PITRM1: variants seen among roughly 807,000 people sequenced by gnomAD.
PITRM1 encodes pitrilysin metallopeptidase 1.
A neutral mutation model predicts 129.9 loss-of-function variants in PITRM1; 100 were observed. That is an observed-to-expected ratio of 0.77 (90% CI 0.65 to 0.91). The LOEUF (loss-of-function observed/expected upper bound fraction) is 0.91, where lower values mean the gene tolerates loss of function less well. PITRM1 is among the 40% of genes least tolerant of loss of function. PITRM1 has a pLI of 0.00. For missense variants in PITRM1, 1,471 were observed against 1,318.3 expected, an observed-to-expected ratio of 1.12 and a Z score of -1.79; for synonymous variants, 591 against 508.8, an observed-to-expected ratio of 1.16 and a Z score of -2.17.
Position 3,147,190 on chromosome 10 carries a change from G to A in PITRM1, c.2296C>T (p.Pro766Ser), listed in dbSNP as rs1334615940. ...TDIKPILRKL[P>S]RIKKHLLNGD... is the part of the protein sequence containing the mutation. The stretch of plus-strand genomic sequence containing the variant: ...TTTAACAAGTGTTTCTTGATACGCG[G>A]GAGCTTCCTCAGGATGGGTTTGATA... The change falls in exon 20 of 27, where the codon CCG becomes TCG. Residue 766 changes from proline to serine, a missense_variant. By Grantham distance (74) the Pro-to-Ser change is moderately conservative. Coordinates refer to ENST00000224949, the MANE Select transcript of PITRM1 (RefSeq NM_014889.4). 5.0e-6 allele frequency: 8 copies of A among 1,609,456 alleles called. No individual in the cohort carries two copies. Among genetic ancestry groups the A allele is most frequent in the Admixed American group, 1.7e-5 (1 of 59,980 alleles).
intron 22 of PITRM1, 83 bp downstream of exon 22, chr10:3,144,209 G>T: frequency 1.3e-6 from 1 of 775,766 alleles, no homozygotes; most frequent in Non-Finnish European, 2.2e-6. Context: ...GGCGGACGGA[G>T]GAACATTCGA....
At chr10:3,138,373 C>T in intron 25 of PITRM1, 36 bp from the exon 26 acceptor site, 1 of 1,451,882 alleles carries the variant, frequency 6.9e-7, no homozygotes, top group Non-Finnish European at 9.7e-7. Flanking sequence ...GGAGCCGCTG[C>T]CCGGGAGCTC....
At position 3,163,750 on chromosome 10, in the gene PITRM1, T is replaced by C. The variant is rs772604490; in HGVS notation, c.766A>G (p.Thr256Ala). Residue 256 changes from threonine to alanine, a missense_variant, in exon 7 of 27, where the codon ACT becomes GCT. Thr to Ala is a moderately conservative substitution (Grantham distance 58). Transcript: ENST00000224949. ...CTAGCATTGCTTGGGTGATAGTGAG[T>C]GGCATGAAACTGCTTAAGCTGCTCC... Reference protein sequence around the residue: ...TWEQLKQFHATHYHPSNARFF... With the variant: ...TWEQLKQFHAAHYHPSNARFF... 2.5e-6 allele frequency: 4 copies of C among 1,610,678 alleles called. No homozygotes were observed. Among genetic ancestry groups the C allele is most frequent in the Non-Finnish European group, 3.4e-6 (4 of 1,178,734 alleles).
At position 3,148,005 on chromosome 10, in the gene PITRM1, C is replaced by G; in HGVS notation, c.2051G>C (p.Trp684Ser). 1 of 1,612,686 alleles carries G rather than the reference C, an allele frequency of 6.2e-7. No homozygotes were observed. The highest frequency in any genetic ancestry group is 1.1e-5 in the South Asian group (1 of 91,056). ...AAGTTACTTGTTAAATATTTCACTC[C>G]ATAGCTGCATCATGTCTGGCAGGTT... ...DRNLPDMMQL[W>S]SEIFNNPCFE... is the part of the protein sequence containing the mutation. The change falls in exon 18 of 27, where the codon TGG becomes TCG. Residue 684 changes from tryptophan (W) to serine (S), a missense_variant. Coordinates refer to ENST00000224949, the MANE Select transcript of PITRM1 (RefSeq NM_014889.4).
chr10:3,160,095 T>C lies in PITRM1; in HGVS notation c.918+109A>G. ...TCTTTCAGCTTGAAAAGCTCTCCCA[T>C]ACTCTGTACCAAACATGACAGCATC... On this transcript the variant is annotated intron_variant, in intron 8 of 26. Transcript: ENST00000224949. 5 of 1,328,026 alleles carry C rather than the reference T, an allele frequency of 3.8e-6. No individual in the cohort carries two copies. The East Asian group carries it at 1.2e-4, about 33-fold the overall frequency. The allele number at this position is 1,328,026 out of a possible 1,614,324, so 82.3% of individuals were successfully genotyped here.
intron 25 of PITRM1, chr10:3,138,544 G>A: frequency 4.9e-6 from 3 of 610,250 alleles, no homozygotes; most frequent in Non-Finnish European, 5.9e-6. Flanking sequence ...GCCTGCTTCT[G>A]CAGCAGGGAT....
At chr10:3,158,380 T>C (rs1433067314) in intron 10 of PITRM1, among the ~76,000 whole-genome samples, 1 of 152,150 alleles carries the variant, frequency 6.6e-6, no homozygotes, top group African/African-American at 2.4e-5. Flanking sequence ...GCAGGATAAA[T>C]ATCAAAACAG....
chr10:3,140,252 G>C (rs1424902629), intron 24 of PITRM1, among the ~76,000 whole-genome samples: 1 of 152,230 alleles, frequency 6.6e-6, no homozygotes, highest in African/African-American at 2.4e-5. Flanking sequence ...CGGCTACTGG[G>C]TGACCAACAG....
At position 3,167,273 on chromosome 10, in the gene PITRM1, GA is replaced by G. The variant is rs200616903; in HGVS notation, c.160-232del. On this transcript the variant is annotated intron_variant, in intron 2 of 26. Coordinates refer to ENST00000224949, the MANE Select transcript of PITRM1 (RefSeq NM_014889.4). ...ATGAGAATATGTGTGTGTGTGTATA[GA>G]AAGAGAGAGAGAGCGAGCGAGCGAG... Among the ~76,000 whole-genome samples the G allele has an allele frequency of 3.3e-5, 4 of 120,778 alleles. 1 individual carries two copies. The highest frequency in any genetic ancestry group is 5.4e-4 in the South Asian group (2 of 3,734). The allele number at this position is 120,778 out of a possible 152,430, so 79.2% of individuals were successfully genotyped here. A position where few individuals can be genotyped will look rare whatever the true frequency, so the allele number is the denominator to read the frequency against.
At chr10:3,164,779 CAAAGT>C (rs1035690358) in intron 6 of PITRM1, among the ~76,000 whole-genome samples, 1 of 152,142 alleles carries the variant, frequency 6.6e-6, no homozygotes, top group Admixed American at 6.5e-5. Flanking sequence ...CTTCTCATAA[CAAAGT>C]AAAAAACTGA....
At chr10:3,163,467 C>T (rs1025439131) in intron 7 of PITRM1, 7 of 259,448 alleles carry the variant, frequency 2.7e-5, no homozygotes, top group East Asian at 1.9e-4. Context: ...CAACAGGCTG[C>T]GGGGCCAGGA....
intron 16 of PITRM1, chr10:3,149,362 C>T (rs776643233): frequency 4.4e-5 from 14 of 317,552 alleles, no homozygotes; most frequent in Admixed American, 1.4e-4. Context: ...CAATCCTTTC[C>T]AAAGCTTCAT....
intron 8 of PITRM1, 52 bp downstream of exon 8, chr10:3,160,152 C>T: frequency 6.3e-7 from 1 of 1,595,386 alleles, no homozygotes; most frequent in South Asian, 1.1e-5. Flanking sequence ...CAGTCCAAGT[C>T]CTCATGTCAA....
chr10:3,139,145 G>T, intron 24 of PITRM1, 96 bp from the exon 25 acceptor site: 1 of 999,648 alleles, frequency 1.0e-6, no homozygotes, highest in Non-Finnish European at 1.5e-6. Flanking sequence ...TCTTCTATGG[G>T]TTAACAGCTC....
chr10:3,151,323 G>C lies in PITRM1; in HGVS notation c.1662C>G (p.Ala554=). 6.2e-7 allele frequency: 1 copy of C among 1,611,096 alleles called. No individual in the cohort carries two copies. The highest frequency in any genetic ancestry group is 8.5e-7 in the Non-Finnish European group (1 of 1,178,594). The change falls in exon 15 of 27, where the codon GCC becomes GCG. Residue 554 remains alanine (A), a synonymous_variant. Coordinates refer to ENST00000224949, the MANE Select transcript of PITRM1 (RefSeq NM_014889.4). The part of the protein sequence containing the change: ...LRSQQSKPQD[A]SCLPALKVSD... ...AAACTTTCAACGCTGGCAGACAAGA[G>C]GCATCTTGAGGTTTGCTTTGTTGAC...
In PITRM1 at chr10:3,158,167, C is replaced by T. The variant is rs750409642; in HGVS notation, c.1137-14G>A. The T allele has an allele frequency of 4.8e-6, 7 of 1,459,762 alleles. No homozygotes were observed. The African/African-American group carries it at 9.7e-5, about 20-fold the overall frequency. The allele number at this position is 1,459,762 out of a possible 1,614,324, so 90.4% of individuals were successfully genotyped here. On this transcript the variant is annotated splice_polypyrimidine_tract_variant and intron_variant, in intron 10 of 26. Transcript: ENST00000224949. Reference sequence around the variant, plus strand: ...TAGCCATTATATCTAGAAGACAAAACCAGAAATGATGCACTGGAATCCGGG... The same window carrying T: ...TAGCCATTATATCTAGAAGACAAAATCAGAAATGATGCACTGGAATCCGGG...
At chr10:3,148,642 C>G (rs1467391081) in intron 16 of PITRM1, 2 of 197,302 alleles carry the variant, frequency 1.0e-5, no homozygotes, top group Non-Finnish European at 2.1e-5. Context: ...ACTCTCTTCA[C>G]CCAGATCACC....
Position 3,138,041 on chromosome 10 carries a change from A to G in PITRM1, c.3104T>C (p.Ile1035Thr). 6.2e-7 allele frequency: 1 copy of G among 1,604,218 alleles called. No individual in the cohort carries two copies. The highest frequency in any genetic ancestry group is 1.1e-5 in the South Asian group (1 of 89,060). ...NPKIAKDPSWIIQ is the reference protein window; with the variant it reads ...NPKIAKDPSWTIQ ...GAGCGCCACGGCTGCTCATTGGATG[A>G]TCCAGGATGGGTCCTTGGCAATTTT... Residue 1035 changes from isoleucine to threonine, a missense_variant, in exon 27 of 27, where the codon ATC becomes ACC. By Grantham distance (89) the Ile-to-Thr change is moderately conservative (BLOSUM62 -1). Transcript: ENST00000224949.
At chr10:3,159,794 G>A in intron 9 of PITRM1, 54 bp downstream of exon 9, 1 of 1,056,770 alleles carries the variant, frequency 9.5e-7, no homozygotes, top group Non-Finnish European at 1.4e-6. Flanking sequence ...CCTTCTAATA[G>A]GAACATTTTC....
Sources: gnomAD v4.1 joint callset for allele counts (sites outside exome capture counted in the v4.1 genomes callset) on GRCh38, gnomAD v4.1.1 for gene constraint, MANE v1.5 for transcripts, NCBI Gene and HGNC (gene_info 2026-07-23, HGNC 2026-07-21) for gene names.